The following CLNS1A variants were observed in gnomAD, a reference collection of about 807,000 sequenced individuals.
CLNS1A encodes chloride nucleotide-sensitive channel 1A, also known as methylosome subunit pICln.
CLNS1A carries 16 observed loss-of-function variants against 29.4 expected under a neutral mutation model. That is an observed-to-expected ratio of 0.54 (90% CI 0.37 to 0.83). The LOEUF is 0.83. Among genes scored for constraint, CLNS1A ranks in the 40% least tolerant of loss-of-function variants. CLNS1A has a pLI of 0.00. For synonymous variants in CLNS1A, 96 were observed against 104.8 expected, an observed-to-expected ratio of 0.92 and a Z score of 0.51; for missense variants, 235 against 287.4, an observed-to-expected ratio of 0.82 and a Z score of 1.32.
At chr11:77,634,026 A>G (rs12366072) in intron 1 of CLNS1A, among the ~76,000 whole-genome samples, 66,506 of 151,656 alleles carry the variant, frequency 0.44, 15,455 homozygotes, top group African/African-American at 0.59. Flanking sequence ...GCTTGAACTC[A>G]GGAGGCGGAG....
At chr11:77,626,116 G>T (rs1049472918) in intron 2 of CLNS1A, among the ~76,000 whole-genome samples, 1 of 152,064 alleles carries the variant, frequency 6.6e-6, no homozygotes, top group Non-Finnish European at 1.5e-5. Flanking sequence ...TGAGCTAAGG[G>T]TCAACTTTTT....
chr11:77,632,825 C>A (rs2135777421), intron 1 of CLNS1A, among the ~76,000 whole-genome samples: 1 of 152,064 alleles, frequency 6.6e-6, no homozygotes, highest in South Asian at 2.1e-4. Context: ...TGGCTCAGGC[C>A]TATAATTTTG....
rs752163475 is a variant in CLNS1A, at chr11:77,625,831, A to G, written c.263-13T>C. 2 of 1,535,608 alleles carry G rather than the reference A, an allele frequency of 1.3e-6. No homozygotes were observed. Among genetic ancestry groups the G allele is most frequent in the East Asian group, 4.5e-5 (2 of 44,460 alleles). ...TCTTTTGATTCTTCTAGAAAATAAA[A>G]TACCCTTTTAATGTCATTATTTGAC... On this transcript the variant is annotated splice_polypyrimidine_tract_variant and intron_variant, in intron 2 of 6. Coordinates refer to ENST00000525428, the MANE Select transcript of CLNS1A (RefSeq NM_001293.3).
intron 1 of CLNS1A, among the ~76,000 whole-genome samples, chr11:77,634,279 A>G (rs1297855351): frequency 6.6e-6 from 1 of 152,154 alleles, no homozygotes; most frequent in African/African-American, 2.4e-5. Context: ...CTATAAGCCA[A>G]ATTTATGAAC....
chr11:77,621,066 G>A (rs1351553266), intron 5 of CLNS1A, among the ~76,000 whole-genome samples: 4 of 151,810 alleles, frequency 2.6e-5, no homozygotes, highest in Non-Finnish European at 4.4e-5. Flanking sequence ...GGAGGCTGAG[G>A]CGGGCGGATC....
chr11:77,637,689 G>T lies in CLNS1A; in HGVS notation c.26C>A (p.Pro9Gln). 2 of 1,561,174 alleles carry T rather than the reference G, an allele frequency of 1.3e-6. No individual in the cohort carries two copies. The highest frequency in any genetic ancestry group is 1.7e-6 in the Non-Finnish European group (2 of 1,152,806). The change falls in exon 1 of 7, where the codon CCG becomes CAG. Residue 9 changes from proline to glutamine, a missense_variant. Pro to Gln is a moderately conservative substitution (Grantham distance 76). Coordinates refer to ENST00000525428, the MANE Select transcript of CLNS1A (RefSeq NM_001293.3). MSFLKSFP[P>Q]PGPAEGLLRQ... is the part of the protein sequence containing the mutation. ...CAGGAGCCCCTCCGCTGGCCCAGGC[G>T]GCGGGAAACTTTTGAGGAAGCTCAT...
At chr11:77,636,563 T>C (rs1959127890) in intron 1 of CLNS1A, among the ~76,000 whole-genome samples, 3 of 152,182 alleles carry the variant, frequency 2.0e-5, no homozygotes, top group Admixed American at 2.0e-4. Flanking sequence ...GATTCTGTAG[T>C]AGGCAGAATT....
rs972620514 is a variant in CLNS1A at position 77,615,413 on chromosome 11, A to G, written c.*1305T>C. The G allele has an allele frequency of 1.3e-5, 2 of 152,222 alleles. No homozygotes were observed. The highest frequency in any genetic ancestry group is 2.9e-5 in the Non-Finnish European group (2 of 68,038). 9.4% of individuals were successfully genotyped at this position (152,222 alleles called of 1,614,324 possible). A position where few individuals can be genotyped will look rare whatever the true frequency, so the allele number is the denominator to read the frequency against. ...GTTTTAAAGCACAGGCTCAAAAATC[A>G]CAATTCACTATCTACATGACCTTAA... is the stretch of plus-strand genomic sequence containing the variant. On this transcript the variant is annotated 3_prime_UTR_variant, in exon 7 of 7. Coordinates refer to ENST00000525428, the MANE Select transcript of CLNS1A (RefSeq NM_001293.3).
rs1453006592 is a variant in CLNS1A at position 77,615,057 on chromosome 11, A to G, written c.*1661T>C. On this transcript the variant is annotated 3_prime_UTR_variant, in exon 7 of 7. Coordinates refer to ENST00000525428, the MANE Select transcript of CLNS1A (RefSeq NM_001293.3). The stretch of plus-strand genomic sequence containing the variant: ...CCTTTTTGCATATTGCATTGACCAC[A>G]GCAACACCAACAAGAAACCAAGTAC... 1 of 152,218 alleles carries G rather than the reference A, an allele frequency of 6.6e-6. No homozygotes were observed. The highest frequency in any genetic ancestry group is 1.5e-5 in the Non-Finnish European group (1 of 68,040). The allele number at this position is 152,218 out of a possible 1,614,324, so 9.4% of individuals were successfully genotyped here.
At chr11:77,637,141 C>A (rs1959134703) in intron 1 of CLNS1A, among the ~76,000 whole-genome samples, 1 of 150,220 alleles carries the variant, frequency 6.7e-6, no homozygotes, top group African/African-American at 2.5e-5. Flanking sequence ...GGAACATCTC[C>A]TGCATCTGTT....
intron 4 of CLNS1A, among the ~76,000 whole-genome samples, chr11:77,623,402 C>A (rs936777173): frequency 2.0e-5 from 3 of 151,946 alleles, no homozygotes; most frequent in Non-Finnish European, 4.4e-5. Flanking sequence ...TCAGCCTGGA[C>A]AACATAGTAA....
intron 1 of CLNS1A, among the ~76,000 whole-genome samples, chr11:77,635,758 A>G (rs1160499783): frequency 6.6e-6 from 1 of 152,244 alleles, no homozygotes; most frequent in Non-Finnish European, 1.5e-5. Flanking sequence ...TGAATAAAAA[A>G]GGAATGCCTG....
intron 6 of CLNS1A, among the ~76,000 whole-genome samples, chr11:77,617,449 G>A (rs1212086958): frequency 6.6e-6 from 1 of 151,452 alleles, no homozygotes; most frequent in Non-Finnish European, 1.5e-5. Context: ...GGCTGAGGCA[G>A]GAGAATTGCT....
intron 1 of CLNS1A, among the ~76,000 whole-genome samples, chr11:77,637,201 T>A (rs552948453): frequency 8.4e-6 from 1 of 118,662 alleles, no homozygotes; most frequent in African/African-American, 3.4e-5. Context: ...GACCGTGCGT[T>A]AAGGGCAACG....
chr11:77,619,445 T>C (rs541879945), intron 6 of CLNS1A, 161 bp downstream of exon 6: 3 of 582,614 alleles, frequency 5.1e-6, no homozygotes, highest in South Asian at 2.0e-5. Context: ...GGCAGGTGGA[T>C]TGCTTGAGTT....
intron 4 of CLNS1A, among the ~76,000 whole-genome samples, chr11:77,623,083 C>T (rs1054716285): frequency 6.6e-6 from 1 of 151,788 alleles, no homozygotes; most frequent in African/African-American, 2.4e-5. Flanking sequence ...GAAGATGTAC[C>T]TACTCTCTAG....
In CLNS1A at chr11:77,625,291, A is replaced by G. The variant is rs1008801077; in HGVS notation, c.365-221T>C. ...CTCTTCATGGCTCGTGGGATTTTCC[A>G]AGAAAAAAGGGTCAGAGTCCTGGTA... On this transcript the variant is annotated intron_variant, in intron 3 of 6. Transcript: ENST00000525428. 50 of 530,198 alleles carry G rather than the reference A, an allele frequency of 9.4e-5. 1 individual carries two copies. In the South Asian group the frequency reaches 1.3e-3, roughly 13 times the overall value. The allele number at this position is 530,198 out of a possible 1,614,324, so 32.8% of individuals were successfully genotyped here.
At chr11:77,623,274 T>C (rs962313180) in intron 4 of CLNS1A, among the ~76,000 whole-genome samples, 1 of 152,030 alleles carries the variant, frequency 6.6e-6, no homozygotes, top group African/African-American at 2.4e-5. Context: ...TGTTTTCTGA[T>C]TAAAAAACAT....
chr11:77,635,781 G>GT (rs1959118767), intron 1 of CLNS1A, among the ~76,000 whole-genome samples: 1 of 152,246 alleles, frequency 6.6e-6, no homozygotes. Context: ...AACTAGGAAT[G>GT]TATCTGTGCT....
Sources: gnomAD v4.1 joint callset for allele counts (sites outside exome capture counted in the v4.1 genomes callset) on GRCh38, gnomAD v4.1.1 for gene constraint, MANE v1.5 for transcripts, NCBI Gene and HGNC (gene_info 2026-07-23, HGNC 2026-07-21) for gene names.